SLC30A4: variants seen among roughly 807,000 people sequenced by gnomAD.
SLC30A4 encodes probable proton-coupled zinc antiporter SLC30A4.
A neutral mutation model predicts 41.7 loss-of-function variants in SLC30A4; 20 were observed. The observed-to-expected ratio is 0.48, with a 90% CI of 0.34 to 0.70. The LOEUF (loss-of-function observed/expected upper bound fraction) is 0.70. SLC30A4 is among the 30% of genes least tolerant of loss of function. SLC30A4 has a pLI of 0.01. For synonymous variants in SLC30A4, 181 were observed against 195.9 expected, an observed-to-expected ratio of 0.92 and a Z score of 0.64; for missense variants, 441 against 529.3, an observed-to-expected ratio of 0.83 and a Z score of 1.64.
intron 3 of SLC30A4, among the ~76,000 whole-genome samples, chr15:45,510,166 G>A (rs8029983): frequency 0.084 from 12,714 of 150,646 alleles, 1,756 homozygotes; most frequent in African/African-American, 0.29. Context: ...AAGCAAAAAC[G>A]AGAAATAAAT....
At chr15:45,495,043 C>T (rs1005619967) in intron 3 of SLC30A4, among the ~76,000 whole-genome samples, 1 of 151,702 alleles carries the variant, frequency 6.6e-6, no homozygotes, top group African/African-American at 2.4e-5. Flanking sequence ...GTCCCAGCTA[C>T]TTGGGAGGTT....
chr15:45,511,775 G>A (rs1050211472), intron 2 of SLC30A4, among the ~76,000 whole-genome samples: 1 of 152,232 alleles, frequency 6.6e-6, no homozygotes. Flanking sequence ...AAGCCAATGT[G>A]TCCAGCCAGA....
At chr15:45,487,059 TATA>T (rs1595521167) in intron 6 of SLC30A4, among the ~76,000 whole-genome samples, 1 of 151,458 alleles carries the variant, frequency 6.6e-6, no homozygotes, top group East Asian at 1.9e-4. Flanking sequence ...GAAAAGAACA[TATA>T]ATGATAATAA....
chr15:45,510,096 G>A (rs1166679690), intron 3 of SLC30A4, among the ~76,000 whole-genome samples: 1 of 151,920 alleles, frequency 6.6e-6, no homozygotes, highest in East Asian at 1.9e-4. Context: ...CTGGGCAACA[G>A]TGCAAGAAGA....
intron 3 of SLC30A4, among the ~76,000 whole-genome samples, chr15:45,494,106 C>T (rs1364114657): frequency 6.6e-6 from 1 of 152,076 alleles, no homozygotes; most frequent in East Asian, 1.9e-4. Context: ...TATTACATGT[C>T]ATATTTACTG....
intron 3 of SLC30A4, among the ~76,000 whole-genome samples, chr15:45,499,289 G>A (rs1891969933): frequency 6.6e-6 from 1 of 151,928 alleles, no homozygotes; most frequent in African/African-American, 2.4e-5. Context: ...AGCCAGGATG[G>A]TCTCAATCTC....
At chr15:45,522,580 C>T (rs930825120) in intron 1 of SLC30A4, 27 bp downstream of exon 1, 3 of 475,594 alleles carry the variant, frequency 6.3e-6, no homozygotes, top group African/African-American at 6.1e-5. Flanking sequence ...CGGGGCTCCG[C>T]GAGGGGGCGG....
At chr15:45,489,105 G>A in intron 4 of SLC30A4, 63 bp from the exon 5 acceptor site, 2 of 1,147,238 alleles carry the variant, frequency 1.7e-6, no homozygotes, top group South Asian at 1.5e-5. Flanking sequence ...TTTGTCACTA[G>A]TCAGACACTA....
intron 4 of SLC30A4, among the ~76,000 whole-genome samples, chr15:45,490,032 G>GA (rs1029516415): frequency 2.0e-5 from 3 of 151,862 alleles, no homozygotes; most frequent in African/African-American, 7.3e-5. Flanking sequence ...GCCTTTTACA[G>GA]AAAAAAAATT....
intron 2 of SLC30A4, among the ~76,000 whole-genome samples, chr15:45,517,356 T>TG (rs1195449905): frequency 2.1e-4 from 30 of 144,534 alleles, no homozygotes; most frequent in Admixed American, 2.0e-3. Flanking sequence ...TTTTTTTTTT[T>TG]TTTTTTTTTT....
Position 45,490,823 on chromosome 15 carries a change from T to C in SLC30A4, c.597A>G (p.Leu199=). Residue 199 remains leucine (L), a synonymous_variant, in exon 4 of 8, where the codon TTA becomes TTG. Coordinates refer to ENST00000261867, the MANE Select transcript of SLC30A4 (RefSeq NM_013309.6). ...LLVYILMGFL[L]YEAVQRTIHM... is the part of the protein sequence containing the mutation. ...GGATAGTTCTTTGCACAGCTTCATATAAGAGGAATCCCATAAGTATATACA... is the reference window on the plus strand; with the variant it reads ...GGATAGTTCTTTGCACAGCTTCATACAAGAGGAATCCCATAAGTATATACA... 1 of 1,610,708 alleles carries C rather than the reference T, an allele frequency of 6.2e-7. No individual in the cohort carries two copies. Among genetic ancestry groups the C allele is most frequent in the Non-Finnish European group, 8.5e-7 (1 of 1,177,826 alleles).
rs747122016 is a variant in SLC30A4, at chr15:45,482,038, T to C, written c.*3125A>G. On this transcript the variant is annotated 3_prime_UTR_variant, in exon 8 of 8. Transcript: ENST00000261867. ...GAGCTCAAGACCAGCCTGGGCAACATAGGGAGACCCCATCTCATTAAAAAA... is the reference window on the plus strand; with the variant it reads ...GAGCTCAAGACCAGCCTGGGCAACACAGGGAGACCCCATCTCATTAAAAAA... 1.3e-4 allele frequency: 12 copies of C among 90,440 alleles called. No homozygotes were observed. Among genetic ancestry groups the C allele is most frequent in the Non-Finnish European group, 1.8e-4 (9 of 49,870 alleles). 5.6% of individuals were successfully genotyped at this position (90,440 alleles called of 1,614,324 possible).
At chr15:45,486,065 C>G (rs897323757) in intron 7 of SLC30A4, among the ~76,000 whole-genome samples, 1 of 151,718 alleles carries the variant, frequency 6.6e-6, no homozygotes, top group Non-Finnish European at 1.5e-5. Context: ...CTCTGTCACC[C>G]AGACTAGACT....
chr15:45,511,224 AG>A lies in SLC30A4; in HGVS notation c.451del (p.Leu151Ter). The A allele has an allele frequency of 6.2e-7, 1 of 1,613,282 alleles. No individual in the cohort carries two copies. The highest frequency in any genetic ancestry group is 8.5e-7 in the Non-Finnish European group (1 of 1,179,372). ...AAGCAGGGTGAGTATGATGGCGCTTAGGTCAGTTAACATATGAAGTGCATCT... is the reference window on the plus strand; with the variant it reads ...AAGCAGGGTGAGTATGATGGCGCTTAGTCAGTTAACATATGAAGTGCATCT... Reference protein sequence around the residue: ...MTDALHMLTDLSAIILTLLAL... With the variant: ...MTDALHMLTDXSAIILTLLAL... On this transcript the variant is annotated frameshift_variant, in exon 3 of 8. Transcript: ENST00000261867. LOFTEE classifies it high-confidence loss of function.
chr15:45,504,357 A>G (rs1489939485), intron 3 of SLC30A4, among the ~76,000 whole-genome samples: 2 of 152,226 alleles, frequency 1.3e-5, no homozygotes, highest in East Asian at 1.9e-4. Flanking sequence ...ATCAGTGTCA[A>G]AAATATTTAG....
chr15:45,518,666 G>A (rs1172346509), intron 2 of SLC30A4, among the ~76,000 whole-genome samples: 1 of 152,002 alleles, frequency 6.6e-6, no homozygotes, highest in African/African-American at 2.4e-5. Flanking sequence ...GGGCTCAACC[G>A]ATCCTGCCAC....
At chr15:45,505,844 T>A (rs1339590628) in intron 3 of SLC30A4, among the ~76,000 whole-genome samples, 1 of 151,494 alleles carries the variant, frequency 6.6e-6, no homozygotes, top group Non-Finnish European at 1.5e-5. Context: ...GGAGATGGAG[T>A]GGAGGGGAAT....
chr15:45,495,998 T>C (rs181402671), intron 3 of SLC30A4, among the ~76,000 whole-genome samples: 2 of 152,236 alleles, frequency 1.3e-5, no homozygotes, highest in Admixed American at 6.5e-5. Flanking sequence ...TTCTGGGATA[T>C]AGACATATAT....
chr15:45,510,469 T>C (rs1044282419), intron 3 of SLC30A4, among the ~76,000 whole-genome samples: 4 of 152,214 alleles, frequency 2.6e-5, no homozygotes, highest in African/African-American at 9.7e-5. Context: ...AATGTCAACT[T>C]TTGGGTTCTA....
Sources: allele counts gnomAD v4.1 joint callset (sites outside exome capture counted in the v4.1 genomes callset), GRCh38; gene constraint gnomAD v4.1.1; transcripts MANE v1.5; gene names NCBI Gene and HGNC (gene_info 2026-07-23, HGNC 2026-07-21).